DGKB: variants seen among roughly 807,000 people sequenced by gnomAD.
The protein encoded by DGKB is 90 kDa diacylglycerol kinase.
In DGKB, 67 loss-of-function variants were observed where a neutral mutation model predicts 114.3. The ratio of observed to expected loss-of-function variants is 0.59; its 90% CI spans 0.48 to 0.72. The LOEUF (loss-of-function observed/expected upper bound fraction) is 0.72. DGKB is among the 30% of genes least tolerant of loss of function. DGKB has a pLI of 0.00. For missense variants in DGKB, 907 were observed against 975.2 expected (o/e 0.93, Z 0.93); for synonymous variants, 398 against 323.1 (o/e 1.23, Z -2.49).
At chr7:14,953,126 A>G (rs1162227005) in intron 1 of DGKB, among the ~76,000 whole-genome samples, 1 of 152,102 alleles carries the variant, frequency 6.6e-6, no homozygotes, top group East Asian at 1.9e-4. Flanking sequence ...ATATCAGGGT[A>G]AAATTTCTGA....
intron 2 of DGKB, among the ~76,000 whole-genome samples, chr7:14,829,243 A>T (rs1846096241): frequency 6.6e-6 from 1 of 152,046 alleles, no homozygotes. Flanking sequence ...TTTGGTATTG[A>T]CCCATTATTC....
At chr7:14,516,657 T>A (rs1487826607) in intron 20 of DGKB, among the ~76,000 whole-genome samples, 1 of 152,210 alleles carries the variant, frequency 6.6e-6, no homozygotes, top group Non-Finnish European at 1.5e-5. Flanking sequence ...GATTGCATTC[T>A]TGATTTGGCT....
At chr7:14,589,405 A>G (rs1801311531) in intron 17 of DGKB, among the ~76,000 whole-genome samples, 1 of 152,050 alleles carries the variant, frequency 6.6e-6, no homozygotes, top group African/African-American at 2.4e-5. Flanking sequence ...TTTCCTTGAC[A>G]GAATTCCAAC....
intron 8 of DGKB, among the ~76,000 whole-genome samples, chr7:14,695,555 T>C (rs574397436): frequency 7.3e-6 from 1 of 137,258 alleles, no homozygotes; most frequent in Non-Finnish European, 1.5e-5. Flanking sequence ...GCTGGAGTGC[T>C]GTGGCGCAAT....
intron 1 of DGKB, among the ~76,000 whole-genome samples, chr7:14,898,445 T>G (rs1782465462): frequency 1.3e-5 from 2 of 152,084 alleles, no homozygotes; most frequent in South Asian, 2.1e-4. Flanking sequence ...TGTCCTTCAG[T>G]TTGCTCTTTT....
intron 23 of DGKB, among the ~76,000 whole-genome samples, chr7:14,332,759 T>C (rs1809955507): frequency 6.6e-6 from 1 of 152,192 alleles, no homozygotes; most frequent in Non-Finnish European, 1.5e-5. Flanking sequence ...GTGGAGTCCT[T>C]GCTGGGTTTT....
chr7:14,884,503 C>T (rs1854715943), intron 1 of DGKB, among the ~76,000 whole-genome samples: 1 of 151,962 alleles, frequency 6.6e-6, no homozygotes, highest in Non-Finnish European at 1.5e-5. Flanking sequence ...ATCTGTACTT[C>T]TCCTGCTCTG....
chr7:14,750,059 G>C (rs1266114129), intron 4 of DGKB: 4 of 499,284 alleles, frequency 8.0e-6, no homozygotes, highest in Admixed American at 2.1e-5. Flanking sequence ...CACTAAATAT[G>C]TTATATGTGT....
chr7:14,783,828 G>C (rs963140418), intron 2 of DGKB, among the ~76,000 whole-genome samples: 13 of 152,184 alleles, frequency 8.5e-5, no homozygotes. Context: ...TTCTAAAGTA[G>C]AGAATGAAAG....
At chr7:14,236,465 G>GA (rs561911202) in intron 23 of DGKB, among the ~76,000 whole-genome samples, 1 of 151,316 alleles carries the variant, frequency 6.6e-6, no homozygotes, top group Non-Finnish European at 1.5e-5. Context: ...CACTAAAGAA[G>GA]AAAAAAAACT....
intron 12 of DGKB, among the ~76,000 whole-genome samples, chr7:14,680,395 T>C (rs901904421): frequency 1.1e-4 from 17 of 151,950 alleles, no homozygotes; most frequent in African/African-American, 3.9e-4. Flanking sequence ...TATTTAGATT[T>C]TTAAAAGTAC....
intron 23 of DGKB, among the ~76,000 whole-genome samples, chr7:14,208,841 T>C (rs1037848390): frequency 6.6e-5 from 10 of 151,704 alleles, no homozygotes; most frequent in Non-Finnish European, 1.5e-4. Context: ...CAAGAGTTGT[T>C]AGAAATAAAC....
At chr7:14,953,188 A>T (rs1786304761) in intron 1 of DGKB, among the ~76,000 whole-genome samples, 1 of 152,104 alleles carries the variant, frequency 6.6e-6, no homozygotes, top group Non-Finnish European at 1.5e-5. Flanking sequence ...ATAAGCAAAA[A>T]AAGAAAATAT....
At chr7:14,839,407 CTT>C (rs911581318) in intron 2 of DGKB, among the ~76,000 whole-genome samples, 8 of 130,924 alleles carry the variant, frequency 6.1e-5, no homozygotes, top group Non-Finnish European at 1.3e-4. Flanking sequence ...TCTTCTTCTT[CTT>C]TTTTTTTTTT....
At chr7:14,772,545 G>T (rs1164124679) in intron 2 of DGKB, among the ~76,000 whole-genome samples, 2 of 152,126 alleles carry the variant, frequency 1.3e-5, no homozygotes, top group African/African-American at 4.8e-5. Flanking sequence ...AATTAGAAGA[G>T]AAAGCATGCA....
At chr7:14,956,910 T>C (rs952498329) in intron 1 of DGKB, among the ~76,000 whole-genome samples, 1 of 151,880 alleles carries the variant, frequency 6.6e-6, no homozygotes, top group African/African-American at 2.4e-5. Context: ...TCTTGTAGCC[T>C]TTCTTCCTGT....
At chr7:14,885,981 T>C (rs181503577) in intron 1 of DGKB, among the ~76,000 whole-genome samples, 2 of 151,962 alleles carry the variant, frequency 1.3e-5, no homozygotes, top group Admixed American at 1.3e-4. Flanking sequence ...ACTGAATTAT[T>C]TTGAGCAAGA....
chr7:14,328,700 A>G (rs1044353280), intron 23 of DGKB, among the ~76,000 whole-genome samples: 8 of 152,080 alleles, frequency 5.3e-5, no homozygotes, highest in Non-Finnish European at 7.4e-5. Flanking sequence ...GATAATTAAA[A>G]TAACAGTGCA....
chr7:14,856,947 G>C (rs1850238199), intron 1 of DGKB, among the ~76,000 whole-genome samples: 2 of 152,028 alleles, frequency 1.3e-5, no homozygotes, highest in Admixed American at 6.6e-5. Context: ...CCTAACCTCA[G>C]CTCCCCTCCC....
Sources: allele counts gnomAD v4.1 joint callset (sites outside exome capture counted in the v4.1 genomes callset), GRCh38; gene constraint gnomAD v4.1.1; transcripts MANE v1.5; gene names NCBI Gene and HGNC (gene_info 2026-07-23, HGNC 2026-07-21).